SRPRA: variants seen among roughly 807,000 people sequenced by gnomAD.
SRPRA encodes the protein SRP receptor subunit alpha, also known as signal recognition particle receptor subunit alpha.
A neutral mutation model predicts 61.1 loss-of-function variants in SRPRA; 30 were observed. The ratio of observed to expected loss-of-function variants is 0.49; its 90% CI spans 0.37 to 0.67. SRPRA has a LOEUF of 0.67. SRPRA is among the 30% of genes least tolerant of loss of function. The probability of loss-of-function intolerance (pLI) is 0.00; values close to 1 mark genes in which losing one functional copy is unlikely to be tolerated. For synonymous variants in SRPRA, 324 were observed against 299.7 expected, an observed-to-expected ratio of 1.08 and a Z score of -0.84; for missense variants, 759 against 828.4, an observed-to-expected ratio of 0.92 and a Z score of 1.03.
At chr11:126,250,656 T>A in the SRPRA span, 1 of 1,614,138 alleles carries the variant, frequency 6.2e-7, no homozygotes, top group South Asian at 1.1e-5. This position sits in a 1 kb window ranked among gnomAD's most constrained non-coding sequence, Gnocchi z 5.1. Flanking sequence ...AACTACAAAT[T>A]TTGATAATCT....
Position 126,266,297 on chromosome 11 carries a change from G to T in SRPRA, c.841-19C>A, listed in dbSNP as rs763375904. On this transcript the variant is annotated intron_variant, in intron 6 of 13. Coordinates refer to ENST00000332118, the MANE Select transcript of SRPRA (RefSeq NM_003139.4). ...CTCGAATCTGGAAGATACGGGGAAA[G>T]GATGTGGGGTCAGGAACACTAAGGT... 6.2e-7 allele frequency: 1 copy of T among 1,613,134 alleles called. No individual in the cohort carries two copies. Among genetic ancestry groups the T allele is most frequent in the South Asian group, 1.1e-5 (1 of 91,054 alleles).
chr11:126,255,356 G>A, the SRPRA span, among the ~76,000 whole-genome samples: 11 of 152,134 alleles, frequency 7.2e-5, no homozygotes, highest in South Asian at 2.1e-4. The surrounding 1 kb of genome is among the most constrained non-coding windows in gnomAD (Gnocchi z 4.6). Flanking sequence ...CCGAGAAAAT[G>A]TATTGTCTAA....
At chr11:126,239,770 C>T in the SRPRA span, among the ~76,000 whole-genome samples, 1 of 152,200 alleles carries the variant, frequency 6.6e-6, no homozygotes, top group South Asian at 2.1e-4. Flanking sequence ...CACCTTGGCC[C>T]CCCAAAGTGC....
chr11:126,257,458 ATATT>A, the SRPRA span, among the ~76,000 whole-genome samples: 1 of 152,318 alleles, frequency 6.6e-6, no homozygotes, highest in East Asian at 1.9e-4. Context: ...AGATATGCCA[ATATT>A]TATTTAATTG....
chr11:126,236,917 C>CTTT, the SRPRA span, among the ~76,000 whole-genome samples: 6 of 68,396 alleles, frequency 8.8e-5, no homozygotes, highest in South Asian at 5.4e-4. Context: ...TTCACAGATG[C>CTTT]TTTTTTTTTT....
Position 126,265,939 on chromosome 11 carries a change from G to T in SRPRA, c.1051+24C>A. Reference sequence around the variant, plus strand: ...AACTACCCCTATCCCGCGAGTATGAGTCAGCCCGGTCCTCAGAACTTACCA... The same window carrying T: ...AACTACCCCTATCCCGCGAGTATGATTCAGCCCGGTCCTCAGAACTTACCA... On this transcript the variant is annotated intron_variant, in intron 8 of 13. Coordinates refer to ENST00000332118, the MANE Select transcript of SRPRA (RefSeq NM_003139.4). This position sits in a 1 kb window ranked among gnomAD's most constrained non-coding sequence, Gnocchi z 6.3. 1 of 1,612,680 alleles carries T rather than the reference G, an allele frequency of 6.2e-7. No homozygotes were observed. The highest frequency in any genetic ancestry group is 8.5e-7 in the Non-Finnish European group (1 of 1,178,704).
chr11:126,256,258 T>A, the SRPRA span, among the ~76,000 whole-genome samples: 1 of 152,186 alleles, frequency 6.6e-6, no homozygotes, highest in Non-Finnish European at 1.5e-5. This position sits in a 1 kb window ranked among gnomAD's most constrained non-coding sequence, Gnocchi z 6.6. Context: ...AGAGTGAGAC[T>A]CCGTCTCAAA....
the SRPRA span, chr11:126,241,130 C>T: frequency 7.4e-7 from 1 of 1,354,000 alleles, no homozygotes; most frequent in Non-Finnish European, 1.0e-6. Context: ...TCAAAACTAG[C>T]ATGCCAAATG....
At chr11:126,237,897 A>G in the SRPRA span, among the ~76,000 whole-genome samples, 2 of 148,584 alleles carry the variant, frequency 1.3e-5, no homozygotes, top group African/African-American at 4.9e-5. Flanking sequence ...ATATGTGAGG[A>G]TATCATTGTT....
At chr11:126,250,214 C>A in the SRPRA span, among the ~76,000 whole-genome samples, 2 of 151,950 alleles carry the variant, frequency 1.3e-5, no homozygotes. This position sits in a 1 kb window ranked among gnomAD's most constrained non-coding sequence, Gnocchi z 5.1. Context: ...GCCTCAGCCT[C>A]CCAAGTAGCT....
the SRPRA span, among the ~76,000 whole-genome samples, chr11:126,236,867 C>T: frequency 1.7e-5 from 2 of 116,438 alleles, no homozygotes; most frequent in African/African-American, 6.6e-5. Flanking sequence ...TTTATGAAGT[C>T]TTTTTGTTTG....
chr11:126,244,310 G>A, the SRPRA span, among the ~76,000 whole-genome samples: 1 of 152,190 alleles, frequency 6.6e-6, no homozygotes, highest in Non-Finnish European at 1.5e-5. The surrounding 1 kb of genome is among the most constrained non-coding windows in gnomAD (Gnocchi z 4.5). Flanking sequence ...TCTGTTTGCA[G>A]ATGTGATGAT....
chr11:126,267,315 T>A lies in SRPRA; in HGVS notation c.386A>T (p.Lys129Met). 6.2e-7 allele frequency: 1 copy of A among 1,614,154 alleles called. No homozygotes were observed. The highest frequency in any genetic ancestry group is 8.5e-7 in the Non-Finnish European group (1 of 1,180,032). ...RLLREAEESS[K>M]IRAPTTMKKF... ...CTTCATGGTAGTGGGAGCACGGATCTTACTGCTCTCCTCTGCTTCACTAAA... is the reference window on the plus strand; with the variant it reads ...CTTCATGGTAGTGGGAGCACGGATCATACTGCTCTCCTCTGCTTCACTAAA... Residue 129 changes from lysine (K) to methionine (M), a missense_variant, in exon 4 of 14, where the codon AAG becomes ATG. Physicochemically the swap from Lys to Met is moderately conservative, Grantham distance 95. Around this residue, in one of 2 missense-constraint regions of SRPRA, gnomAD observed 475 missense variants for 462.5 expected, o/e 1.03. Coordinates refer to ENST00000332118, the MANE Select transcript of SRPRA (RefSeq NM_003139.4). This position sits in a 1 kb window ranked among gnomAD's most constrained non-coding sequence, Gnocchi z 4.2.
chr11:126,246,157 A>G, the SRPRA span, among the ~76,000 whole-genome samples: 3 of 152,240 alleles, frequency 2.0e-5, no homozygotes, highest in Admixed American at 6.5e-5. Context: ...AAACACTAAT[A>G]TTAAGACATT....
rs1436733420 is a variant in SRPRA at position 126,267,618 on chromosome 11, T to C, written c.296A>G (p.Gln99Arg). ...LFRDKYRTEI[Q>R]QQSALSLLNG... ...TAATAAACTTAAAGCACTTTGCTGT[T>C]GGATCTCTGTGCGGTACTTGTCCCG... Residue 99 changes from glutamine (Q) to arginine (R), a missense_variant, in exon 3 of 14, where the codon CAA becomes CGA. Physicochemically the swap from Gln to Arg is conservative, Grantham distance 43. Around this residue, in one of 2 missense-constraint regions of SRPRA, gnomAD observed 475 missense variants for 462.5 expected, o/e 1.03. Coordinates refer to ENST00000332118, the MANE Select transcript of SRPRA (RefSeq NM_003139.4). The surrounding 1 kb of genome is among the most constrained non-coding windows in gnomAD (Gnocchi z 4.2). 6.2e-7 allele frequency: 1 copy of C among 1,614,066 alleles called. No homozygotes were observed. Among genetic ancestry groups the C allele is most frequent in the Non-Finnish European group, 8.5e-7 (1 of 1,180,064 alleles).
chr11:126,268,656 A>C (rs771456915), intron 1 of SRPRA, 32 bp downstream of exon 1: 1 of 1,574,784 alleles, frequency 6.4e-7, no homozygotes, highest in Admixed American at 1.7e-5. Flanking sequence ...AGGAAAGAAG[A>C]GCCTGGAGTT....
At chr11:126,262,149 C>T (rs1950714560), downstream of SRPRA, 2 of 1,613,756 alleles carry the variant, frequency 1.2e-6, no homozygotes, top group African/African-American at 2.7e-5. Flanking sequence ...CTAGAGAAAT[C>T]ACCACCGTTT....
chr11:126,265,563 G>C lies in SRPRA; in HGVS notation c.1139-123C>G. ...ATTAGACTCTTGTCCCAGAAATCCA[G>C]AACAGACGCACATTACAAGGACTAA... On this transcript the variant is annotated intron_variant, in intron 9 of 13. Coordinates refer to ENST00000332118, the MANE Select transcript of SRPRA (RefSeq NM_003139.4). The surrounding 1 kb of genome is among the most constrained non-coding windows in gnomAD (Gnocchi z 6.3). The C allele has an allele frequency of 7.9e-7, 1 of 1,262,162 alleles. No individual in the cohort carries two copies. The highest frequency in any genetic ancestry group is 1.1e-6 in the Non-Finnish European group (1 of 909,126). The allele number at this position is 1,262,162 out of a possible 1,614,324, so 78.2% of individuals were successfully genotyped here. A position where few individuals can be genotyped will look rare whatever the true frequency, so the allele number is the denominator to read the frequency against.
chr11:126,264,830 G>T lies in SRPRA; in HGVS notation c.1525+129C>A. On this transcript the variant is annotated intron_variant, in intron 11 of 13. Transcript: ENST00000332118. This position sits in a 1 kb window ranked among gnomAD's most constrained non-coding sequence, Gnocchi z 5.0. ...CAAAAGCAGAGCATGGCAAGTAACT[G>T]ATCTGACTTTTTACTGTAATTGACC... 1.1e-6 allele frequency: 1 copy of T among 925,866 alleles called. No individual in the cohort carries two copies. The highest frequency in any genetic ancestry group is 1.6e-6 in the Non-Finnish European group (1 of 630,112). The allele number at this position is 925,866 out of a possible 1,614,324, so 57.4% of individuals were successfully genotyped here.
Sources: gnomAD v4.1 joint callset for allele counts (sites outside exome capture counted in the v4.1 genomes callset) on GRCh38, gnomAD v4.1.1 for gene constraint, gnomAD v4.1.1 regional missense constraint, Gnocchi (gnomAD v3.1) non-coding constraint, MANE v1.5 for transcripts, NCBI Gene and HGNC (gene_info 2026-07-23, HGNC 2026-07-21) for gene names.